The following ZNF280D variants were observed in gnomAD, a reference collection of about 807,000 sequenced individuals.
ZNF280D encodes suppressor of hairy wing homolog 4.
In ZNF280D, 39 loss-of-function variants were observed where a neutral mutation model predicts 94.7. That is an observed-to-expected ratio of 0.41 (90% CI 0.32 to 0.54). ZNF280D has a LOEUF of 0.54. Ranked by LOEUF, ZNF280D falls within the 20% of genes least tolerant of loss-of-function variation. ZNF280D has a pLI of 0.22. For synonymous variants in ZNF280D, 398 were observed against 377.6 expected, an observed-to-expected ratio of 1.05 and a Z score of -0.63; for missense variants, 1,090 against 1,149.3, an observed-to-expected ratio of 0.95 and a Z score of 0.75.
chr15:56,688,032 TC>T (rs2056152196), intron 9 of ZNF280D, among the ~76,000 whole-genome samples: 1 of 152,152 alleles, frequency 6.6e-6, no homozygotes, highest in Non-Finnish European at 1.5e-5. Flanking sequence ...CTGCCTTTTT[TC>T]TGATCTCTTT....
chr15:56,660,709 C>G (rs1311526323), intron 16 of ZNF280D, among the ~76,000 whole-genome samples: 1 of 151,952 alleles, frequency 6.6e-6, no homozygotes, highest in Non-Finnish European at 1.5e-5. Flanking sequence ...GATTAGCTGA[C>G]AGTATATAAT....
chr15:56,669,925 T>TATTA (rs34674390), intron 13 of ZNF280D, among the ~76,000 whole-genome samples: 1 of 3,284 alleles, frequency 3.0e-4, no homozygotes, highest in African/African-American at 7.8e-4. Context: ...TATATATATA[T>TATTA]TATATATATA....
chr15:56,712,186 T>G (rs1286056229), intron 1 of ZNF280D, among the ~76,000 whole-genome samples: 1 of 152,164 alleles, frequency 6.6e-6, no homozygotes, highest in African/African-American at 2.4e-5. Context: ...ATTTCTAAAC[T>G]AATTAAAATA....
At chr15:56,716,775 T>A (rs1333779376) in intron 1 of ZNF280D, among the ~76,000 whole-genome samples, 4 of 152,152 alleles carry the variant, frequency 2.6e-5, no homozygotes, top group Non-Finnish European at 1.5e-5. Context: ...ATACTACATA[T>A]TGGCCATGAT....
rs1308351777 is a variant in ZNF280D, at chr15:56,708,761, C to G, written c.-85-1455G>C. 4.6e-5 allele frequency among the ~76,000 whole-genome samples: 7 copies of G among 152,228 alleles called. No individual in the cohort carries two copies. The East Asian group carries it at 7.7e-4, about 17-fold the overall frequency. ...TGACAAAAACAAGAAATGGGGAAAG[C>G]AGTCCCTATTTAATAAATGGTGCTG... On this transcript the variant is annotated intron_variant, in intron 1 of 21. Coordinates refer to ENST00000267807, the MANE Select transcript of ZNF280D (RefSeq NM_017661.4).
chr15:56,689,958 T>G (rs977329874), intron 7 of ZNF280D, among the ~76,000 whole-genome samples: 4 of 152,232 alleles, frequency 2.6e-5, no homozygotes, highest in African/African-American at 9.6e-5. Flanking sequence ...AATTTAGTTC[T>G]TTCCTACCTA....
intron 1 of ZNF280D, among the ~76,000 whole-genome samples, chr15:56,709,984 G>A (rs1371820137): frequency 6.6e-6 from 1 of 152,060 alleles, no homozygotes; most frequent in Admixed American, 6.6e-5. Flanking sequence ...TTGTGCACAT[G>A]TACCCTAGAA....
intron 6 of ZNF280D, among the ~76,000 whole-genome samples, chr15:56,696,203 T>A (rs912174400): frequency 7.9e-5 from 12 of 152,174 alleles, no homozygotes; most frequent in African/African-American, 2.9e-4. Flanking sequence ...TAATAAAACA[T>A]AATCTTACTT....
chr15:56,669,360 T>C (rs1185720986), intron 13 of ZNF280D, among the ~76,000 whole-genome samples: 1 of 151,986 alleles, frequency 6.6e-6, no homozygotes, highest in Non-Finnish European at 1.5e-5. Context: ...TAAAATAAAT[T>C]AAACTCTCTA....
At chr15:56,708,987 C>G (rs369286594) in intron 1 of ZNF280D, among the ~76,000 whole-genome samples, 1 of 152,122 alleles carries the variant, frequency 6.6e-6, no homozygotes, top group African/African-American at 2.4e-5. Context: ...GCAACGGCAA[C>G]AAAAGCCAAA....
chr15:56,701,160 A>C lies in ZNF280D; in HGVS notation c.241+13T>G. 1 of 1,597,064 alleles carries C rather than the reference A, an allele frequency of 6.3e-7. No homozygotes were observed. The highest frequency in any genetic ancestry group is 8.5e-7 in the Non-Finnish European group (1 of 1,170,682). ...CTTCACTTTAAAATTAAAATAGTAT[A>C]ATAATACTGTACCTCGACTGAGTGC... On this transcript the variant is annotated intron_variant, in intron 5 of 21. Coordinates refer to ENST00000267807, the MANE Select transcript of ZNF280D (RefSeq NM_017661.4).
At chr15:56,648,015 C>G (rs1319143719) in intron 19 of ZNF280D, among the ~76,000 whole-genome samples, 1 of 152,116 alleles carries the variant, frequency 6.6e-6, no homozygotes, top group Non-Finnish European at 1.5e-5. Context: ...ATGAGAAAAT[C>G]TGAGGCCTAA....
At chr15:56,721,080 A>G (rs1174116338) in intron 1 of ZNF280D, among the ~76,000 whole-genome samples, 1 of 151,740 alleles carries the variant, frequency 6.6e-6, no homozygotes, top group Non-Finnish European at 1.5e-5. Context: ...CTTGTGCCTC[A>G]GCCTCCCGAA....
Position 56,668,825 on chromosome 15 carries a change from T to C in ZNF280D, c.1543A>G (p.Lys515Glu). The C allele has an allele frequency of 6.3e-7, 1 of 1,599,480 alleles. No homozygotes were observed. The highest frequency in any genetic ancestry group is 1.4e-5 in the African/African-American group (1 of 74,036). The change falls in exon 14 of 22, where the codon AAA (lysine) becomes GAA (glutamate). Residue 515 changes from lysine (K) to glutamate (E), a missense_variant and splice_region_variant. Physicochemically the swap from Lys to Glu is moderately conservative, Grantham distance 56. This residue lies in a region of ZNF280D where 577 missense variants were observed against 568.8 expected (regional missense o/e 1.01). Transcript: ENST00000267807. The part of the protein sequence containing the change: ...KQLEGLPPGT[K>E]VTIRASVGPL... ...AAATACAATATATTTTAACTCACTT[T>C]TGTTCCAGGAGGCAATCCTTCTAGT...
intron 13 of ZNF280D, 62 bp from the exon 14 acceptor site, chr15:56,669,019 C>T: frequency 6.8e-7 from 1 of 1,473,376 alleles, no homozygotes; most frequent in South Asian, 1.2e-5. Context: ...ATCCTGTGTC[C>T]TGAAACTGCT....
chr15:56,704,276 C>A lies in ZNF280D; in HGVS notation c.29-9G>T. Reference sequence around the variant, plus strand: ...TGCCATTTTTGAATTACCTAATTTTCAAAAGGAGAGAAGTAAACCTCATTT... The same window carrying A: ...TGCCATTTTTGAATTACCTAATTTTAAAAAGGAGAGAAGTAAACCTCATTT... On this transcript the variant is annotated splice_polypyrimidine_tract_variant and intron_variant, in intron 3 of 21. Transcript: ENST00000267807. 6.3e-7 allele frequency: 1 copy of A among 1,598,498 alleles called. No individual in the cohort carries two copies. Among genetic ancestry groups the A allele is most frequent in the Non-Finnish European group, 8.5e-7 (1 of 1,175,160 alleles).
At chr15:56,693,780 T>A (rs1241089709) in intron 6 of ZNF280D, among the ~76,000 whole-genome samples, 2 of 152,146 alleles carry the variant, frequency 1.3e-5, no homozygotes, top group Non-Finnish European at 2.9e-5. Flanking sequence ...TGTGCATCAG[T>A]GTTAAGGATG....
intron 13 of ZNF280D, among the ~76,000 whole-genome samples, chr15:56,671,904 T>A (rs1324857616): frequency 6.6e-6 from 1 of 152,110 alleles, no homozygotes; most frequent in African/African-American, 2.4e-5. Context: ...ACTTCCCTTG[T>A]TAATTGTATT....
At chr15:56,648,590 A>C (rs116034351) in intron 19 of ZNF280D, among the ~76,000 whole-genome samples, 3,352 of 152,156 alleles carry the variant, frequency 0.022, 110 homozygotes, top group African/African-American at 0.067. Flanking sequence ...CTCTCCACTT[A>C]ACAGGTATGT....
Sources: gnomAD v4.1 joint callset for allele counts (sites outside exome capture counted in the v4.1 genomes callset) on GRCh38, gnomAD v4.1.1 for gene constraint, gnomAD v4.1.1 regional missense constraint, MANE v1.5 for transcripts, NCBI Gene and HGNC (gene_info 2026-07-23, HGNC 2026-07-21) for gene names.